PTPRA: variants seen among roughly 807,000 people sequenced by gnomAD.
The protein encoded by PTPRA is receptor-type tyrosine-protein phosphatase alpha.
Under a neutral mutation model 104.8 loss-of-function variants are expected in PTPRA, and 25 were observed. The observed-to-expected ratio is 0.24, with a 90% CI of 0.17 to 0.33. The LOEUF (loss-of-function observed/expected upper bound fraction) is 0.33, where lower values mean the gene tolerates loss of function less well. Among genes scored for constraint, PTPRA ranks in the 10% least tolerant of loss-of-function variants. The probability of loss-of-function intolerance (pLI) is 1.00; values close to 1 mark genes in which losing one functional copy is unlikely to be tolerated. For missense variants in PTPRA, 765 were observed against 1,015.3 expected (o/e 0.75, Z 3.35); for synonymous variants, 323 against 368.9 (o/e 0.88, Z 1.43).
intron 16 of PTPRA, among the ~76,000 whole-genome samples, chr20:3,023,377 G>A (rs2064977935): frequency 6.6e-6 from 1 of 152,200 alleles, no homozygotes; most frequent in African/African-American, 2.4e-5. Context: ...CTTCTTTGGA[G>A]TTAAGATAAG....
chr20:3,002,866 C>G (rs1030477165), intron 9 of PTPRA, among the ~76,000 whole-genome samples: 1 of 152,148 alleles, frequency 6.6e-6, no homozygotes, highest in Non-Finnish European at 1.5e-5. Flanking sequence ...TCTGACTTTG[C>G]CAGGCTCATC....
At chr20:3,007,838 G>GTATA (rs1440497415) in intron 11 of PTPRA, among the ~76,000 whole-genome samples, 1 of 98,556 alleles carries the variant, frequency 1.0e-5, no homozygotes, top group Non-Finnish European at 2.1e-5. Context: ...CTGTGTGTGT[G>GTATA]TATATATATA....
At chr20:2,900,528 A>G (rs2059191004) in intron 1 of PTPRA, among the ~76,000 whole-genome samples, 1 of 152,184 alleles carries the variant, frequency 6.6e-6, no homozygotes, top group Admixed American at 6.5e-5. Context: ...CTCAAATAGC[A>G]GTTAATGAAA....
chr20:2,958,041 T>G (rs1172056476), intron 3 of PTPRA, among the ~76,000 whole-genome samples: 2 of 151,352 alleles, frequency 1.3e-5, no homozygotes, highest in Non-Finnish European at 2.9e-5. Flanking sequence ...AGAAGAACAG[T>G]GTAGTGAAGG....
rs546818504 is a variant in PTPRA, at chr20:2,896,050, G to A, written c.-129+22290G>A. Among the ~76,000 whole-genome samples the A allele has an allele frequency of 1.9e-4, 29 of 151,668 alleles. No individual in the cohort carries two copies. The Middle Eastern group carries it at 0.014, about 71-fold the overall frequency. ...TTTTTTCTAGTTATCTTTTTGTAAC[G>A]GATTTATAGATTATACATTGTGGTT... is the stretch of plus-strand genomic sequence containing the variant. On this transcript the variant is annotated intron_variant, in intron 1 of 23. Coordinates refer to ENST00000399903, the MANE Select transcript of PTPRA (RefSeq NM_001385305.1).
intron 10 of PTPRA, among the ~76,000 whole-genome samples, chr20:3,006,555 G>A (rs1478997210): frequency 6.6e-6 from 1 of 152,222 alleles, no homozygotes; most frequent in Non-Finnish European, 1.5e-5. Flanking sequence ...GCATGTATTA[G>A]AGATGCCTGC....
rs71195812 is a variant in PTPRA at position 3,029,135 on chromosome 20, TTTTG to T, written c.1920+1315_1920+1318del. 1.1e-3 allele frequency among the ~76,000 whole-genome samples: 144 copies of T among 131,626 alleles called. 1 individual carries two copies. The highest frequency in any genetic ancestry group is 2.8e-3 in the African/African-American group (94 of 33,216). 86.4% of individuals were successfully genotyped at this position (131,626 alleles called of 152,430 possible). On this transcript the variant is annotated intron_variant, in intron 20 of 23. Transcript: ENST00000399903. ...ATCAGGATTTTTTTTTTTTTTTTGGTTTTGTTTGTTTGTTTGTTTGTTTGAGAGA... is the reference window on the plus strand; with the variant it reads ...ATCAGGATTTTTTTTTTTTTTTTGGTTTTGTTTGTTTGTTTGTTTGAGAGA...
intron 1 of PTPRA, among the ~76,000 whole-genome samples, chr20:2,874,203 GTCTCCCAGGCCCCTC>G (rs68142072): frequency 0.43 from 65,334 of 151,802 alleles, 14,307 homozygotes; most frequent in East Asian, 0.64. Context: ...CCCCCGGCCC[GTCTCCCAGGCCCCTC>G]TCCTTGCCGC....
chr20:2,906,693 A>G (rs1387256117), intron 1 of PTPRA, among the ~76,000 whole-genome samples: 1 of 151,974 alleles, frequency 6.6e-6, no homozygotes, highest in Non-Finnish European at 1.5e-5. Context: ...GCAAGTATTT[A>G]TCTATTAATG....
chr20:2,910,592 T>TTTTTTTTTTTTTTTTTTAA (rs2059679968), intron 1 of PTPRA, among the ~76,000 whole-genome samples: 1 of 126,952 alleles, frequency 7.9e-6, no homozygotes, highest in African/African-American at 3.3e-5. Context: ...TTTTTTTGTT[T>TTTTTTTTTTTTTTTTTTAA]TTTTTTTGTT....
chr20:3,003,562 A>G (rs887277908), intron 9 of PTPRA, among the ~76,000 whole-genome samples: 4 of 152,178 alleles, frequency 2.6e-5, no homozygotes, highest in East Asian at 1.9e-4. Context: ...TTGTTTTTAT[A>G]GTGTCAGAGT....
At chr20:2,926,320 G>A (rs1329315467) in intron 2 of PTPRA, among the ~76,000 whole-genome samples, 1 of 152,202 alleles carries the variant, frequency 6.6e-6, no homozygotes, top group Non-Finnish European at 1.5e-5. Flanking sequence ...TGCGGGCTGT[G>A]CGGGAGAATC....
Position 3,014,951 on chromosome 20 carries a change from G to T in PTPRA, c.907-898G>T, listed in dbSNP as rs960757305. ...AAAAGAAAGCTGCGGCCAGTTGTTAGTTTTTCCGAGGCTCCTTATCTGTTG... is the reference window on the plus strand; with the variant it reads ...AAAAGAAAGCTGCGGCCAGTTGTTATTTTTTCCGAGGCTCCTTATCTGTTG... On this transcript the variant is annotated intron_variant, in intron 11 of 23. Transcript: ENST00000399903. Among the ~76,000 whole-genome samples the T allele has an allele frequency of 6.6e-5, 10 of 152,344 alleles. No individual in the cohort carries two copies. The South Asian group carries it at 2.1e-3, about 32-fold the overall frequency.
chr20:2,995,202 A>C (rs927199214), intron 9 of PTPRA, among the ~76,000 whole-genome samples: 1 of 152,216 alleles, frequency 6.6e-6, no homozygotes, highest in Non-Finnish European at 1.5e-5. Flanking sequence ...CAAAATCTAT[A>C]TCAACAATTG....
At chr20:3,007,860 A>G (rs1029463219) in intron 11 of PTPRA, among the ~76,000 whole-genome samples, 1 of 152,000 alleles carries the variant, frequency 6.6e-6, no homozygotes, top group African/African-American at 2.4e-5. Context: ...ATATATGACT[A>G]TCTGGTTAGC....
intron 9 of PTPRA, among the ~76,000 whole-genome samples, chr20:3,002,214 T>C (rs1449137750): frequency 1.3e-5 from 2 of 152,190 alleles, no homozygotes; most frequent in Non-Finnish European, 2.9e-5. Context: ...ATTTCCTTTA[T>C]TCAGTCTTTT....
intron 3 of PTPRA, among the ~76,000 whole-genome samples, chr20:2,955,941 G>A (rs1396504712): frequency 2.0e-5 from 3 of 151,854 alleles, no homozygotes; most frequent in Non-Finnish European, 4.4e-5. Context: ...CATTCTCCAT[G>A]TTCAAACTAA....
chr20:3,018,700 C>T (rs1472952020), intron 13 of PTPRA, among the ~76,000 whole-genome samples: 14 of 151,376 alleles, frequency 9.2e-5, no homozygotes, highest in Non-Finnish European at 1.6e-4. Flanking sequence ...TCCACAAAAC[C>T]GCCATTGTCA....
rs569122110 is a variant in PTPRA, at chr20:3,037,744, A to G, written c.2335-315A>G. ...GACGAGGTTCTGAGAGCCAGGGTGC[A>G]TGCTAGCCTGGCAGCCATGGTAAGC... On this transcript the variant is annotated intron_variant, in intron 23 of 23. Coordinates refer to ENST00000399903, the MANE Select transcript of PTPRA (RefSeq NM_001385305.1). The surrounding 1 kb of genome is among the most constrained non-coding windows in gnomAD (Gnocchi z 4.3). Among the ~76,000 whole-genome samples the G allele has an allele frequency of 6.6e-6, 1 of 152,330 alleles. No homozygotes were observed. Among genetic ancestry groups the G allele is most frequent in the South Asian group, 2.1e-4 (1 of 4,830 alleles).
Sources: gnomAD v4.1 joint callset for allele counts (sites outside exome capture counted in the v4.1 genomes callset) on GRCh38, gnomAD v4.1.1 for gene constraint, Gnocchi (gnomAD v3.1) non-coding constraint, MANE v1.5 for transcripts, NCBI Gene and HGNC (gene_info 2026-07-23, HGNC 2026-07-21) for gene names.